Variants in ACTN2 observed in about 807,000 individuals in gnomAD.
ACTN2 encodes the protein alpha-actinin-2.
A neutral mutation model predicts 113.8 loss-of-function variants in ACTN2; 39 were observed. That is an observed-to-expected ratio of 0.34 (90% CI 0.27 to 0.45). The LOEUF (loss-of-function observed/expected upper bound fraction) is 0.45, where lower values mean the gene tolerates loss of function less well. ACTN2 is among the 20% of genes least tolerant of loss of function. ACTN2 has a pLI of 1.00. For synonymous variants in ACTN2, 429 were observed against 444.1 expected, an observed-to-expected ratio of 0.97 and a Z score of 0.43; for missense variants, 992 against 1,177.9, an observed-to-expected ratio of 0.84 and a Z score of 2.31.
chr1:236,712,770 G>T (rs570368294), intron 1 of ACTN2, among the ~76,000 whole-genome samples: 8 of 152,264 alleles, frequency 5.3e-5, no homozygotes, highest in African/African-American at 1.9e-4. Context: ...ATATCCAGAA[G>T]TGCTTCTGAT....
At chr1:236,729,447 C>T (rs367704550) in intron 6 of ACTN2, among the ~76,000 whole-genome samples, 123 of 152,308 alleles carry the variant, frequency 8.1e-4, no homozygotes, top group African/African-American at 2.8e-3. Context: ...GTGCTGAGCT[C>T]GCCATTCACG....
At chr1:236,705,882 A>G (rs964142874) in intron 1 of ACTN2, among the ~76,000 whole-genome samples, 1 of 152,130 alleles carries the variant, frequency 6.6e-6, no homozygotes, top group Non-Finnish European at 1.5e-5. Flanking sequence ...TTCTTTCTGT[A>G]TTTTGAATAG....
In ACTN2 at chr1:236,739,347, A is replaced by G; in HGVS notation, c.922A>G (p.Thr308Ala). ...RRTIPWLENR[T>A]PEKTMQAMQK... ...CACGATCCCCTGGCTGGAGAACCGG[A>G]CTCCCGAGAAGACCATGCAAGCCAT... is the stretch of plus-strand genomic sequence containing the variant. Residue 308 changes from threonine (T) to alanine (A), a missense_variant, in exon 10 of 21, where the codon ACT becomes GCT. Thr to Ala is a moderately conservative substitution (Grantham distance 58). Transcript: ENST00000366578. 1.2e-6 allele frequency: 2 copies of G among 1,613,688 alleles called. No individual in the cohort carries two copies. The highest frequency in any genetic ancestry group is 2.2e-5 in the East Asian group (1 of 44,852).
chr1:236,747,745 G>C lies in ACTN2; in HGVS notation c.1485G>C (p.Thr495=). ...GTGACCAGTGGGACCGACTGGGAAC[G>C]CTTACTCAGAAGAGGAGAGAAGCCC... ...KICDQWDRLG[T]LTQKRREALE... The change falls in exon 13 of 21, where the codon ACG becomes ACC. Residue 495 remains threonine (T), a synonymous_variant. Transcript: ENST00000366578. 6.2e-6 allele frequency: 10 copies of C among 1,614,078 alleles called. No individual in the cohort carries two copies. The highest frequency in any genetic ancestry group is 8.5e-6 in the Non-Finnish European group (10 of 1,179,960).
chr1:236,762,722 GAGA>G lies in ACTN2; in HGVS notation c.*104_*106del, dbSNP rs1659748419. The G allele has an allele frequency of 6.3e-6, 9 of 1,426,742 alleles. No homozygotes were observed. Among genetic ancestry groups the G allele is most frequent in the Non-Finnish European group, 6.7e-6 (7 of 1,044,278 alleles). 88.4% of individuals were successfully genotyped at this position (1,426,742 alleles called of 1,614,324 possible). On this transcript the variant is annotated 3_prime_UTR_variant, in exon 21 of 21. Coordinates refer to ENST00000366578, the MANE Select transcript of ACTN2 (RefSeq NM_001103.4). Reference sequence around the variant, plus strand: ...ACAAGCTTTATTAAGTTGAGAGAGAGAGAGGGGAAAAAAAAAAGCCTTTCGTAG... The same window carrying G: ...ACAAGCTTTATTAAGTTGAGAGAGAGGGGGAAAAAAAAAAGCCTTTCGTAG...
At chr1:236,736,962 G>A (rs987866469) in intron 8 of ACTN2, 160 bp from the exon 9 acceptor site, 15 of 658,260 alleles carry the variant, frequency 2.3e-5, no homozygotes, top group African/African-American at 1.4e-4. Context: ...TTCATAGTAC[G>A]CATAAGCCAT....
intron 10 of ACTN2, among the ~76,000 whole-genome samples, chr1:236,741,107 C>G (rs1659054799): frequency 6.6e-6 from 1 of 152,128 alleles, no homozygotes; most frequent in African/African-American, 2.4e-5. Context: ...TGCAGTGGCA[C>G]AATCACAGCT....
At chr1:236,745,157 G>C (rs540351593) in intron 12 of ACTN2, among the ~76,000 whole-genome samples, 9 of 152,148 alleles carry the variant, frequency 5.9e-5, no homozygotes, top group African/African-American at 2.2e-4. Flanking sequence ...GGCACTGGCC[G>C]GGCGCGGTGG....
chr1:236,726,027 AC>A lies in ACTN2; in HGVS notation c.536+10del. 1 of 1,612,534 alleles carries A rather than the reference AC, an allele frequency of 6.2e-7. No homozygotes were observed. The highest frequency in any genetic ancestry group is 8.5e-7 in the Non-Finnish European group (1 of 1,178,590). On this transcript the variant is annotated splice_region_variant and intron_variant, in intron 5 of 20. Coordinates refer to ENST00000366578, the MANE Select transcript of ACTN2 (RefSeq NM_001103.4). ...TTCAGAACTTCCATACTAGGTGAGC[AC>A]CCAGGGCCCCTGGTCCTTGTATTCT...
intron 10 of ACTN2, among the ~76,000 whole-genome samples, chr1:236,740,393 C>T (rs1344273812): frequency 4.7e-5 from 7 of 150,384 alleles, no homozygotes; most frequent in Admixed American, 2.0e-4. Flanking sequence ...GGATGACAGG[C>T]GTGAGCCACC....
At chr1:236,752,326 G>T (rs192704195) in intron 15 of ACTN2, among the ~76,000 whole-genome samples, 2 of 152,064 alleles carry the variant, frequency 1.3e-5, no homozygotes, top group South Asian at 4.1e-4. Context: ...AAAAACACAC[G>T]TGCTGCAAGT....
At chr1:236,721,808 G>A (rs1408609523) in intron 4 of ACTN2, among the ~76,000 whole-genome samples, 1 of 152,124 alleles carries the variant, frequency 6.6e-6, no homozygotes, top group Non-Finnish European at 1.5e-5. Context: ...AAATATTACA[G>A]AGGTGAAGTT....
chr1:236,749,313 C>T (rs1244555511), intron 14 of ACTN2, 49 bp downstream of exon 14: 2 of 1,610,234 alleles, frequency 1.2e-6, no homozygotes, highest in Non-Finnish European at 1.7e-6. Flanking sequence ...AGTGAGTTGT[C>T]ATTTAAACTT....
chr1:236,719,290 T>A lies in ACTN2; in HGVS notation c.361+277T>A, dbSNP rs1044912228. On this transcript the variant is annotated intron_variant, in intron 3 of 20. Transcript: ENST00000366578. ...CTGAGAAAGAACTTACACATCCCAA[T>A]GACTCTTAATAAGAACTAACTAATA... Among the ~76,000 whole-genome samples the A allele has an allele frequency of 2.6e-5, 4 of 152,220 alleles. No homozygotes were observed. The South Asian group carries it at 8.3e-4, about 32-fold the overall frequency.
intron 3 of ACTN2, 69 bp from the exon 4 acceptor site, chr1:236,720,036 A>G: frequency 1.9e-6 from 2 of 1,054,486 alleles, no homozygotes; most frequent in Non-Finnish European, 3.0e-6. Context: ...GTCAACATTT[A>G]TATATAGGAA....
At chr1:236,736,272 G>A (rs1558239637) in intron 8 of ACTN2, among the ~76,000 whole-genome samples, 1 of 152,252 alleles carries the variant, frequency 6.6e-6, no homozygotes, top group Non-Finnish European at 1.5e-5. Context: ...ATATTCACCT[G>A]TTTCTGTTCC....
chr1:236,747,052 A>C (rs972770616), intron 12 of ACTN2, among the ~76,000 whole-genome samples: 1 of 152,186 alleles, frequency 6.6e-6, no homozygotes, highest in Non-Finnish European at 1.5e-5. Flanking sequence ...CCTGGCCCAC[A>C]GGACTGTCCT....
At position 236,749,247 on chromosome 1, in the gene ACTN2, A is replaced by G. The variant is rs1265446111; in HGVS notation, c.1639A>G (p.Ser547Gly). ...TCTGCAAGATATGTTCATTGTCCAC[A>G]GCATTGAGGAGATCCAGGTAATGGA... The part of the protein sequence containing the change: ...EDLQDMFIVH[S>G]IEEIQSLITA... Residue 547 changes from serine (S) to glycine (G), a missense_variant, in exon 14 of 21, where the codon AGC (serine) becomes GGC (glycine). Transcript: ENST00000366578. 2 of 1,614,188 alleles carry G rather than the reference A, an allele frequency of 1.2e-6. No individual in the cohort carries two copies. Among genetic ancestry groups the G allele is most frequent in the Admixed American group, 1.7e-5 (1 of 60,024 alleles).
At chr1:236,704,999 C>T (rs1268168858) in intron 1 of ACTN2, among the ~76,000 whole-genome samples, 1 of 152,044 alleles carries the variant, frequency 6.6e-6, no homozygotes, top group Non-Finnish European at 1.5e-5. Context: ...GTCTTATGAC[C>T]GACAGTCAGA....
Sources: allele counts gnomAD v4.1 joint callset (sites outside exome capture counted in the v4.1 genomes callset), GRCh38; gene constraint gnomAD v4.1.1; transcripts MANE v1.5; gene names NCBI Gene and HGNC (gene_info 2026-07-23, HGNC 2026-07-21).